XPO7: variants seen among roughly 807,000 people sequenced by gnomAD.
XPO7 encodes exportin-7.
XPO7 carries 21 observed loss-of-function variants against 144.3 expected under a neutral mutation model. The ratio of observed to expected loss-of-function variants is 0.15; its 90% confidence interval spans 0.10 to 0.21. XPO7 has a LOEUF of 0.21. Ranked by LOEUF, XPO7 falls within the 10% of genes least tolerant of loss-of-function variation. The pLI, the probability that XPO7 is intolerant of heterozygous loss-of-function variation, is 1.00. For missense variants in XPO7, 808 were observed against 1,325.8 expected (o/e 0.61, Z 6.06); for synonymous variants, 580 against 499.6 (o/e 1.16, Z -2.15).
chr8:21,924,124 T>C (rs1810381816), intron 1 of XPO7, among the ~76,000 whole-genome samples: 1 of 152,170 alleles, frequency 6.6e-6, no homozygotes, highest in Non-Finnish European at 1.5e-5. Context: ...ACAGCGGGCC[T>C]GGTCAGGCCT....
intron 12 of XPO7, 58 bp downstream of exon 12, chr8:21,984,897 C>T: frequency 6.4e-7 from 1 of 1,559,440 alleles, no homozygotes; most frequent in East Asian, 2.3e-5. Flanking sequence ...TCTAGTACCC[C>T]TTCGCTCATT....
intron 1 of XPO7, among the ~76,000 whole-genome samples, chr8:21,951,056 G>A (rs753149282): frequency 9.7e-4 from 148 of 152,036 alleles, no homozygotes; most frequent in African/African-American, 3.4e-3. Context: ...AGGTCACATC[G>A]CTGTACTCCA....
intron 21 of XPO7, 77 bp from the exon 22 acceptor site, chr8:21,998,677 CT>C: frequency 4.0e-6 from 5 of 1,241,920 alleles, no homozygotes; most frequent in Non-Finnish European, 5.8e-6. Context: ...ACCCAAGGTA[CT>C]CAGATGAGAG....
intron 1 of XPO7, among the ~76,000 whole-genome samples, chr8:21,955,135 C>G (rs1811493650): frequency 1.3e-5 from 2 of 152,206 alleles, no homozygotes; most frequent in Non-Finnish European, 2.9e-5. Context: ...AGTAATCTGC[C>G]TGGCCTGTAT....
rs563529984 is a variant in XPO7, at chr8:21,959,096, G to T, written c.19-7761G>T. ...TGCAGAAGCACCCTGAGCGAATATGGATTTGATGATTACAAATACATTTTA... is the reference window on the plus strand; with the variant it reads ...TGCAGAAGCACCCTGAGCGAATATGTATTTGATGATTACAAATACATTTTA... On this transcript the variant is annotated intron_variant, in intron 1 of 27. Coordinates refer to ENST00000252512, the MANE Select transcript of XPO7 (RefSeq NM_015024.5). Among the ~76,000 whole-genome samples, 16 of 152,274 alleles carry T rather than the reference G, an allele frequency of 1.1e-4. 2 individuals are homozygous for T. Among genetic ancestry groups the T allele is most frequent in the African/African-American group, 3.9e-4 (16 of 41,544 alleles).
chr8:21,995,420 A>G, intron 20 of XPO7, 72 bp from the exon 21 acceptor site: 1 of 1,335,898 alleles, frequency 7.5e-7, no homozygotes, highest in Non-Finnish European at 1.0e-6. Context: ...TTGCTTGGCT[A>G]GTGCTGAAAA....
intron 1 of XPO7, among the ~76,000 whole-genome samples, chr8:21,934,303 G>A (rs899245569): frequency 1.3e-5 from 2 of 152,180 alleles, no homozygotes; most frequent in African/African-American, 4.8e-5. Context: ...GGAGGCCGAG[G>A]TGGGCGGATC....
chr8:21,939,133 A>G (rs888922898), intron 1 of XPO7, among the ~76,000 whole-genome samples: 5 of 151,996 alleles, frequency 3.3e-5, no homozygotes, highest in Non-Finnish European at 7.4e-5. Flanking sequence ...TGTTCTTTAC[A>G]TATTCTTTCT....
intron 16 of XPO7, among the ~76,000 whole-genome samples, chr8:21,989,885 T>C (rs1812709295): frequency 7.9e-6 from 1 of 126,236 alleles, no homozygotes; most frequent in African/African-American, 3.0e-5. Flanking sequence ...AGTCTTGCTC[T>C]GTTGCCCAGG....
Position 21,999,191 on chromosome 8 carries a change from C to G in XPO7, c.2529C>G (p.Leu843=). 2 of 1,614,012 alleles carry G rather than the reference C, an allele frequency of 1.2e-6. No individual in the cohort carries two copies. Among genetic ancestry groups the G allele is most frequent in the South Asian group, 2.2e-5 (2 of 91,078 alleles). The change falls in exon 23 of 28, where the codon CTC becomes CTG. Residue 843 remains leucine, a synonymous_variant. Coordinates refer to ENST00000252512, the MANE Select transcript of XPO7 (RefSeq NM_015024.5). ...GCTTCTCCATGCTGAAGGCTGCTCT[C>G]AGTGGGAGTTACGTCAATTTCGGAG... is the stretch of plus-strand genomic sequence containing the variant. ...SICFSMLKAA[L]SGSYVNFGVF...
At chr8:21,945,884 C>T (rs754804178) in intron 1 of XPO7, among the ~76,000 whole-genome samples, 6 of 152,178 alleles carry the variant, frequency 3.9e-5, no homozygotes, top group Non-Finnish European at 1.5e-5. Context: ...CCTATTCAGA[C>T]TGGAGTGTTG....
At chr8:21,942,127 A>G (rs1049282172) in intron 1 of XPO7, among the ~76,000 whole-genome samples, 1 of 152,328 alleles carries the variant, frequency 6.6e-6, no homozygotes, top group Admixed American at 6.5e-5. Context: ...TAGTTTTCCT[A>G]AGTATTTCTT....
intron 1 of XPO7, among the ~76,000 whole-genome samples, chr8:21,925,268 T>C (rs1281278069): frequency 6.6e-6 from 1 of 152,244 alleles, no homozygotes; most frequent in Non-Finnish European, 1.5e-5. Flanking sequence ...TTTGCTTCAA[T>C]GGCTGTTCAC....
chr8:21,932,247 C>T (rs1224187591), intron 1 of XPO7, among the ~76,000 whole-genome samples: 3 of 152,156 alleles, frequency 2.0e-5, no homozygotes, highest in African/African-American at 7.2e-5. Context: ...TTCTATAGAT[C>T]ATACAGCAGT....
At chr8:21,957,104 C>G (rs58722773) in intron 1 of XPO7, among the ~76,000 whole-genome samples, 1,885 of 151,788 alleles carry the variant, frequency 0.012, 38 homozygotes, top group African/African-American at 0.041. Context: ...TAATGAGATT[C>G]TCGGGAAAAT....
intron 14 of XPO7, 107 bp from the exon 15 acceptor site, chr8:21,987,677 C>G (rs1219348959): frequency 2.4e-6 from 3 of 1,251,064 alleles, no homozygotes; most frequent in Non-Finnish European, 2.3e-6. Context: ...CTCTGGGATT[C>G]TTGTCCATTT....
chr8:21,999,409 G>T, intron 23 of XPO7, 104 bp downstream of exon 23: 1 of 1,569,420 alleles, frequency 6.4e-7, no homozygotes, highest in Non-Finnish European at 8.7e-7. Context: ...ATGTAAGCTA[G>T]CTCCTTTTGC....
chr8:21,998,591 C>T (rs547531456), intron 21 of XPO7, among the ~76,000 whole-genome samples, 164 bp from the exon 22 acceptor site: 1 of 152,070 alleles, frequency 6.6e-6, no homozygotes, highest in East Asian at 1.9e-4. Context: ...GAAGCTACTT[C>T]ATGGTTAAAT....
intron 1 of XPO7, among the ~76,000 whole-genome samples, chr8:21,965,265 A>AT (rs1283833739): frequency 4.6e-5 from 7 of 151,984 alleles, no homozygotes; most frequent in Non-Finnish European, 1.0e-4. Context: ...AATTAAACTG[A>AT]TTCAATTCTC....
Sources: allele counts gnomAD v4.1 joint callset (sites outside exome capture counted in the v4.1 genomes callset), GRCh38; gene constraint gnomAD v4.1.1; transcripts MANE v1.5; gene names NCBI Gene and HGNC (gene_info 2026-07-23, HGNC 2026-07-21).